CBL: variants seen among roughly 807,000 people sequenced by gnomAD.
CBL encodes the protein Cbl proto-oncogene, also known as E3 ubiquitin-protein ligase CBL.
A neutral mutation model predicts 96.9 loss-of-function variants in CBL; 45 were observed. The ratio of observed to expected loss-of-function variants is 0.46; its 90% CI spans 0.37 to 0.60. The LOEUF is 0.60. CBL is among the 20% of genes least tolerant of loss of function. CBL has a pLI of 0.00. For missense variants in CBL, 1,024 were observed against 1,143.5 expected (o/e 0.90, Z 1.51); for synonymous variants, 420 against 426.8 (o/e 0.98, Z 0.20).
chr11:119,278,916 A>G (rs995373215), intron 9 of CBL, among the ~76,000 whole-genome samples: 3 of 152,234 alleles, frequency 2.0e-5, no homozygotes, highest in East Asian at 1.9e-4. Flanking sequence ...AGTACATACT[A>G]CTATTATCCT....
At chr11:119,245,586 G>A (rs11217213) in intron 2 of CBL, among the ~76,000 whole-genome samples, 36,406 of 151,584 alleles carry the variant, frequency 0.24, 4,589 homozygotes, top group East Asian at 0.38. Flanking sequence ...AAAATTACCC[G>A]GGCATGGTGG....
Position 119,278,290 on chromosome 11 carries a change from C to T in CBL, c.1220C>T (p.Ser407Phe), listed in dbSNP as rs2135303902. Residue 407 changes from serine (S) to phenylalanine (F), a missense_variant, in exon 8 of 16, where the codon TCC becomes TTC. Ser to Phe is a radical substitution (Grantham distance 155, BLOSUM62 -2). This residue lies in a region of CBL where 695 missense variants were observed against 661.6 expected (regional missense o/e 1.05). Coordinates refer to ENST00000264033, the MANE Select transcript of CBL (RefSeq NM_005188.4). Reference sequence around the variant, plus strand: ...CTCATGTGCACATCCTGTCTTACATCCTGGCAGGTACGGATCTAAACAGCG... The same window carrying T: ...CTCATGTGCACATCCTGTCTTACATTCTGGCAGGTACGGATCTAAACAGCG... ...GHLMCTSCLT[S>F]WQESEGQGCP... The T allele has an allele frequency of 3.1e-6, 5 of 1,614,020 alleles. No individual in the cohort carries two copies. Among genetic ancestry groups the T allele is most frequent in the East Asian group, 2.2e-5 (1 of 44,878 alleles).
intron 2 of CBL, among the ~76,000 whole-genome samples, chr11:119,253,707 G>A (rs959851839): frequency 1.3e-5 from 2 of 149,676 alleles, no homozygotes; most frequent in South Asian, 4.3e-4. Flanking sequence ...GTGTGGTGGC[G>A]CATACCTGTG....
At chr11:119,229,756 A>G (rs1225888266) in intron 1 of CBL, among the ~76,000 whole-genome samples, 1 of 151,570 alleles carries the variant, frequency 6.6e-6, no homozygotes, top group Non-Finnish European at 1.5e-5. Flanking sequence ...TGAGACCAGA[A>G]TCTTGCTGTG....
In CBL at chr11:119,307,441, C is replaced by G. The variant is rs1012732435; in HGVS notation, c.*7660C>G. On this transcript the variant is annotated 3_prime_UTR_variant, in exon 16 of 16. Coordinates refer to ENST00000264033, the MANE Select transcript of CBL (RefSeq NM_005188.4). ...GGTCTAGACCTCCTGCCCCCACCCC[C>G]CAGCCCCCATCAGATGTGGCTGGCC... 1.7e-5 allele frequency: 4 copies of G among 232,786 alleles called. No homozygotes were observed. Among genetic ancestry groups the G allele is most frequent in the African/African-American group, 8.8e-5 (4 of 45,246 alleles). The allele number at this position is 232,786 out of a possible 1,614,324, so 14.4% of individuals were successfully genotyped here.
rs1258105653 is a variant in CBL at position 119,285,236 on chromosome 11, C to T, written c.1611C>T (p.Pro537=). ...LHKDKPLPVP[P]TLRDLPPPPP... ...AAGACAAACCATTGCCAGTACCTCCCACACTTCGAGATCTTCCACCACCAC... is the reference window on the plus strand; with the variant it reads ...AAGACAAACCATTGCCAGTACCTCCTACACTTCGAGATCTTCCACCACCAC... The change falls in exon 11 of 16, where the codon CCC becomes CCT. Residue 537 remains proline, a synonymous_variant. Transcript: ENST00000264033. 2 of 1,614,184 alleles carry T rather than the reference C, an allele frequency of 1.2e-6. No homozygotes were observed. Among genetic ancestry groups the T allele is most frequent in the Admixed American group, 1.7e-5 (1 of 60,018 alleles).
At chr11:119,271,533 A>C (rs1353097212) in intron 2 of CBL, among the ~76,000 whole-genome samples, 4 of 152,232 alleles carry the variant, frequency 2.6e-5, no homozygotes, top group Non-Finnish European at 5.9e-5. Flanking sequence ...CTGAATATGT[A>C]ACATCCTCAA....
At chr11:119,282,563 G>A (rs1200446607) in intron 9 of CBL, among the ~76,000 whole-genome samples, 6 of 152,158 alleles carry the variant, frequency 3.9e-5, no homozygotes, top group Non-Finnish European at 7.4e-5. Flanking sequence ...ATAGAGCAGC[G>A]TTGATGCTTG....
Position 119,278,517 on chromosome 11 carries a change from A to G in CBL, c.1235A>G (p.Glu412Gly). 2 of 1,614,006 alleles carry G rather than the reference A, an allele frequency of 1.2e-6. No individual in the cohort carries two copies. Among genetic ancestry groups the G allele is most frequent in the Non-Finnish European group, 1.7e-6 (2 of 1,179,880 alleles). ...TSCLTSWQES[E>G]GQGCPFCRCE... Reference sequence around the variant, plus strand: ...CTTTTGCTTCTTCTGCAGGAATCAGAAGGTCAGGGCTGTCCTTTCTGCCGA... The same window carrying G: ...CTTTTGCTTCTTCTGCAGGAATCAGGAGGTCAGGGCTGTCCTTTCTGCCGA... The change falls in exon 9 of 16, where the codon GAA becomes GGA. Residue 412 changes from glutamate to glycine, a missense_variant. Glu to Gly is a moderately conservative substitution (Grantham distance 98). Transcript: ENST00000264033.
intron 3 of CBL, among the ~76,000 whole-genome samples, chr11:119,272,186 A>G (rs1949854386): frequency 6.6e-6 from 1 of 152,080 alleles, no homozygotes; most frequent in Non-Finnish European, 1.5e-5. Context: ...CAGTGGTGCG[A>G]TCTCCACTTA....
intron 2 of CBL, among the ~76,000 whole-genome samples, chr11:119,244,581 ATTTTT>A (rs532837579): frequency 9.6e-6 from 1 of 104,392 alleles, no homozygotes; most frequent in African/African-American, 4.1e-5. Context: ...TGCCCGGCTA[ATTTTT>A]TTTTTTTTTT....
At chr11:119,269,289 C>T (rs1446185457) in intron 2 of CBL, among the ~76,000 whole-genome samples, 1 of 145,796 alleles carries the variant, frequency 6.9e-6, no homozygotes, top group Non-Finnish European at 1.5e-5. Flanking sequence ...CTCTGTCGTC[C>T]AGGCTGGAGT....
intron 1 of CBL, among the ~76,000 whole-genome samples, chr11:119,221,190 C>G (rs529936781): frequency 2.0e-5 from 3 of 151,390 alleles, no homozygotes; most frequent in Non-Finnish European, 4.4e-5. Flanking sequence ...CTGCAGTGAG[C>G]TGACATCACA....
chr11:119,300,872 AT>A lies in CBL; in HGVS notation c.*1094del, dbSNP rs1950097248. On this transcript the variant is annotated 3_prime_UTR_variant, in exon 16 of 16. Coordinates refer to ENST00000264033, the MANE Select transcript of CBL (RefSeq NM_005188.4). Reference sequence around the variant, plus strand: ...TTTTAGGAAGCTTCGTTCACATGCTATTTAAATGCACAAAATAGACAGTAAG... The same window carrying A: ...TTTTAGGAAGCTTCGTTCACATGCTATTAAATGCACAAAATAGACAGTAAG... 1 of 297,964 alleles carries A rather than the reference AT, an allele frequency of 3.4e-6. No individual in the cohort carries two copies. Among genetic ancestry groups the A allele is most frequent in the Non-Finnish European group, 6.2e-6 (1 of 161,564 alleles). The allele number at this position is 297,964 out of a possible 1,614,324, so 18.5% of individuals were successfully genotyped here.
At chr11:119,248,804 C>A (rs935250430) in intron 2 of CBL, among the ~76,000 whole-genome samples, 1 of 152,142 alleles carries the variant, frequency 6.6e-6, no homozygotes, top group Non-Finnish European at 1.5e-5. Context: ...CAAACCAATT[C>A]AAAAATGCTC....
chr11:119,294,835 C>T (rs1040246669), intron 12 of CBL, among the ~76,000 whole-genome samples: 2 of 147,540 alleles, frequency 1.4e-5, no homozygotes. Flanking sequence ...GTAAGCAACA[C>T]TGAAGAAATA....
rs1215416337 is a variant in CBL at position 119,284,841 on chromosome 11, C to T, written c.1432-128C>T. ...TTTTTTAAGAGGGTGTGTGCGACCT[C>T]AAACCTAGGTCTGGCCCATTTGTAG... On this transcript the variant is annotated intron_variant, in intron 9 of 15. Transcript: ENST00000264033. The T allele has an allele frequency of 2.6e-6, 3 of 1,163,080 alleles. No individual in the cohort carries two copies. The African/African-American group carries it at 4.5e-5, about 18-fold the overall frequency. 72.0% of individuals were successfully genotyped at this position (1,163,080 alleles called of 1,614,324 possible).
At chr11:119,296,803 C>T in intron 12 of CBL, 115 bp from the exon 13 acceptor site, 2 of 694,478 alleles carry the variant, frequency 2.9e-6, no homozygotes, top group Non-Finnish European at 5.2e-6. Flanking sequence ...CCCTAGGTGA[C>T]ATGTATTTTG....
intron 8 of CBL, 26 bp from the exon 9 acceptor site, chr11:119,278,484 G>A (rs1949907397): frequency 1.9e-6 from 3 of 1,597,410 alleles, no homozygotes; most frequent in Non-Finnish European, 2.6e-6. Flanking sequence ...AGATGCATCT[G>A]TTACTATCTT....
Sources: gnomAD v4.1 joint callset for allele counts (sites outside exome capture counted in the v4.1 genomes callset) on GRCh38, gnomAD v4.1.1 for gene constraint, gnomAD v4.1.1 regional missense constraint, MANE v1.5 for transcripts, NCBI Gene and HGNC (gene_info 2026-07-23, HGNC 2026-07-21) for gene names.